Variants in AMN observed in about 807,000 individuals in gnomAD.
The protein encoded by AMN is protein amnionless.
Under a neutral mutation model 49.1 loss-of-function variants are expected in AMN, and 40 were observed. The observed-to-expected ratio is 0.81, with a 90% CI of 0.63 to 1.06. The LOEUF (loss-of-function observed/expected upper bound fraction) is 1.06. AMN is among the 50% of genes least tolerant of loss of function. The pLI is 0.00. For missense variants in AMN, 701 were observed against 662.8 expected (o/e 1.06, Z -0.63); for synonymous variants, 380 against 313.3 (o/e 1.21, Z -2.25).
chr14:102,929,814 A>G lies in AMN; in HGVS notation c.843+77A>G, dbSNP rs1229336985. The G allele has an allele frequency of 8.4e-6, 13 of 1,542,824 alleles. No individual in the cohort carries two copies. In the African/African-American group the frequency reaches 1.8e-4, roughly 21 times the overall value. The stretch of plus-strand genomic sequence containing the variant: ...CCTCCGCCTAGGACGCCCCTTCTGC[A>G]GGGTCCCTGCGGCTGCTCACTTGCC... On this transcript the variant is annotated intron_variant, in intron 8 of 11. Coordinates refer to ENST00000299155, the MANE Select transcript of AMN (RefSeq NM_030943.4).
At position 102,929,733 on chromosome 14, in the gene AMN, G is replaced by C. The variant is rs1891288380; in HGVS notation, c.839G>C (p.Gly280Ala). 1.9e-6 allele frequency: 3 copies of C among 1,550,248 alleles called. No individual in the cohort carries two copies. The highest frequency in any genetic ancestry group is 3.9e-5 in the Admixed American group (2 of 51,122). The change falls in exon 8 of 12, where the codon GGT becomes GCT. Residue 280 changes from glycine to alanine, a missense_variant. Gly to Ala is a moderately conservative substitution (Grantham distance 60). Transcript: ENST00000299155. ...GCGCGGATACTGGACACCTTCCTGG[G>C]TCTGGTAATGGGGCCGCGCGGGCAG... Reference protein sequence around the residue: ...YRARILDTFLGLPQYHGLQVA... With the variant: ...YRARILDTFLALPQYHGLQVA...
chr14:102,923,789 C>A lies in AMN; in HGVS notation c.122C>A (p.Thr41Asn), dbSNP rs119478058. Reference sequence around the variant, plus strand: ...GCAGCCAACTGGAGCCAGAACCGGACCCCGTGCGCCGGCGGCGCCGTTGAG... The same window carrying A: ...GCAGCCAACTGGAGCCAGAACCGGAACCCGTGCGCCGGCGGCGCCGTTGAG... ...DVAANWSQNR[T>N]PCAGGAVEFP... The change falls in exon 2 of 12, where the codon ACC (threonine) becomes AAC (asparagine). Residue 41 changes from threonine (T) to asparagine (N), a missense_variant. By Grantham distance (65) the Thr-to-Asn change is moderately conservative (BLOSUM62 0). Transcript: ENST00000299155. 6.2e-7 allele frequency: 1 copy of A among 1,612,640 alleles called. No homozygotes were observed. Among genetic ancestry groups the A allele is most frequent in the African/African-American group, 1.3e-5 (1 of 74,934 alleles).
At chr14:102,924,484 G>A (rs1000562850) in intron 3 of AMN, among the ~76,000 whole-genome samples, 6 of 152,150 alleles carry the variant, frequency 3.9e-5, no homozygotes, top group African/African-American at 9.7e-5. Flanking sequence ...TTGTCACTGC[G>A]CCAGCGAGGG....
Position 102,930,705 on chromosome 14 carries a change from G to A in AMN, c.*25G>A, listed in dbSNP as rs1030890358. 21 of 1,558,708 alleles carry A rather than the reference G, an allele frequency of 1.3e-5. No individual in the cohort carries two copies. The Middle Eastern group carries it at 9.6e-4, about 71-fold the overall frequency. On this transcript the variant is annotated 3_prime_UTR_variant, in exon 12 of 12. Coordinates refer to ENST00000299155, the MANE Select transcript of AMN (RefSeq NM_030943.4). Reference sequence around the variant, plus strand: ...AGCGGCCGCCTGACCGTCGACCTTGGGGCTCTCCACCCGCTCTGGCCCCAG... The same window carrying A: ...AGCGGCCGCCTGACCGTCGACCTTGAGGCTCTCCACCCGCTCTGGCCCCAG...
chr14:102,923,545 G>T (rs1484565930), intron 1 of AMN, 166 bp from the exon 2 acceptor site: 5 of 691,008 alleles, frequency 7.2e-6, no homozygotes, highest in Non-Finnish European at 1.3e-5. Context: ...GGCGCCCACA[G>T]TCTGGCCGGG....
chr14:102,929,080 C>T (rs1891264992), intron 5 of AMN, 41 bp from the exon 6 acceptor site: 1 of 1,597,502 alleles, frequency 6.3e-7, no homozygotes, highest in Non-Finnish European at 8.5e-7. Context: ...GGTGAAGTCT[C>T]TTCCTCGGGC....
rs1364698558 is a variant in AMN at position 102,928,834 on chromosome 14, A to G, written c.372A>G (p.Ala124=). ...ACCTGTGGCGCTCTGGGGACGAGGC[A>G]CCTGGCCTCTTCTTCGTGGACGCCG... The part of the protein sequence containing the change: ...DPHLWRSGDE[A]PGLFFVDAER... The change falls in exon 5 of 12, where the codon GCA becomes GCG. Residue 124 remains alanine (A), a synonymous_variant. Coordinates refer to ENST00000299155, the MANE Select transcript of AMN (RefSeq NM_030943.4). The G allele has an allele frequency of 6.2e-7, 1 of 1,606,338 alleles. No homozygotes were observed. The highest frequency in any genetic ancestry group is 1.3e-5 in the African/African-American group (1 of 74,886).
At chr14:102,926,426 G>A (rs954281485) in intron 3 of AMN, among the ~76,000 whole-genome samples, 3 of 151,708 alleles carry the variant, frequency 2.0e-5, no homozygotes, top group Admixed American at 6.6e-5. Context: ...CCGCTTTGCC[G>A]ACCCTACACT....
At chr14:102,929,775 C>G in intron 8 of AMN, 38 bp downstream of exon 8, 1 of 1,547,612 alleles carries the variant, frequency 6.5e-7, no homozygotes, top group Non-Finnish European at 8.7e-7. Flanking sequence ...GGAGTCCCGA[C>G]CCCAGCCCTA....
At chr14:102,925,553 G>A (rs1377618108) in intron 3 of AMN, among the ~76,000 whole-genome samples, 2 of 152,150 alleles carry the variant, frequency 1.3e-5, no homozygotes, top group Non-Finnish European at 2.9e-5. Context: ...AGTGAGGGGG[G>A]CACTGGGAGC....
chr14:102,929,981 C>A lies in AMN; in HGVS notation c.901C>A (p.Arg301Ser). The change falls in exon 9 of 12, where the codon CGT (arginine) becomes AGT (serine). Residue 301 changes from arginine to serine, a missense_variant. Arg to Ser is a moderately radical substitution (Grantham distance 110). Transcript: ENST00000299155. ...VSKVPRSSRL[R>S]EADTEIQVVL... ...CAAGGTGCCACGCTCGTCCCGGCTC[C>A]GTGAGGCCGATACGGAGATCCAGGT... 6.4e-7 allele frequency: 1 copy of A among 1,564,740 alleles called. No individual in the cohort carries two copies. Among genetic ancestry groups the A allele is most frequent in the East Asian group, 2.4e-5 (1 of 41,688 alleles).
chr14:102,930,681 G>A lies in AMN; in HGVS notation c.*1G>A. 6.3e-7 allele frequency: 1 copy of A among 1,578,746 alleles called. No individual in the cohort carries two copies. ...CGCCGGGGCCGAGGCCGAGGCCTGA[G>A]CGGCCGCCTGACCGTCGACCTTGGG... is the stretch of plus-strand genomic sequence containing the variant. On this transcript the variant is annotated 3_prime_UTR_variant, in exon 12 of 12. Coordinates refer to ENST00000299155, the MANE Select transcript of AMN (RefSeq NM_030943.4).
rs1308282018 is a variant in AMN at position 102,929,526 on chromosome 14, T to G, written c.750T>G (p.Cys250Trp). 13 of 1,537,406 alleles carry G rather than the reference T, an allele frequency of 8.5e-6. No individual in the cohort carries two copies. In the East Asian group the frequency reaches 1.7e-4, roughly 20 times the overall value. The change falls in exon 7 of 12, where the codon TGT becomes TGG. Residue 250 changes from cysteine (C) to tryptophan (W), a missense_variant. Physicochemically the swap from Cys to Trp is radical, Grantham distance 215. Transcript: ENST00000299155. Reference protein sequence around the residue: ...HSALRPQGQCCDLCGAVVLLT... With the variant: ...HSALRPQGQCWDLCGAVVLLT... ...CCCTCCGGCCCCAGGGGCAGTGCTG[T>G]GACCTCTGTGGTAAGCGCCCCCGCC...
At chr14:102,929,836 T>G in intron 8 of AMN, 88 bp from the exon 9 acceptor site, 1 of 1,543,514 alleles carries the variant, frequency 6.5e-7, no homozygotes, top group South Asian at 1.2e-5. Context: ...GCTGCTCACT[T>G]GCCCACTATC....
intron 5 of AMN, 62 bp from the exon 6 acceptor site, chr14:102,929,059 C>T: frequency 6.3e-7 from 1 of 1,597,112 alleles, no homozygotes; most frequent in East Asian, 2.2e-5. Context: ...CACGTTGGGT[C>T]TGAGCACTCA....
chr14:102,929,910 G>A lies in AMN; in HGVS notation c.844-14G>A. 1.3e-6 allele frequency: 2 copies of A among 1,552,824 alleles called. No individual in the cohort carries two copies. The highest frequency in any genetic ancestry group is 1.2e-5 in the South Asian group (1 of 84,184). ...CGGGGGGCTGAGTCAAACCAACCCC[G>A]TCCCCCTCCCCAGCCTCAGTACCAC... On this transcript the variant is annotated splice_polypyrimidine_tract_variant and intron_variant, in intron 8 of 11. Coordinates refer to ENST00000299155, the MANE Select transcript of AMN (RefSeq NM_030943.4).
chr14:102,928,164 C>T (rs1566827394), intron 3 of AMN, among the ~76,000 whole-genome samples: 1 of 152,276 alleles, frequency 6.6e-6, no homozygotes, highest in Admixed American at 6.5e-5. Context: ...GGCTCTGCCC[C>T]TGGCCTGTGA....
chr14:102,926,364 C>T (rs1891187464), intron 3 of AMN, among the ~76,000 whole-genome samples: 1 of 152,122 alleles, frequency 6.6e-6, no homozygotes, highest in South Asian at 2.1e-4. Flanking sequence ...TGGAATCCGT[C>T]GTGTGCCTGG....
chr14:102,929,350 G>T, intron 6 of AMN, 78 bp from the exon 7 acceptor site: 1 of 1,504,462 alleles, frequency 6.6e-7, no homozygotes, highest in South Asian at 1.2e-5. Flanking sequence ...TCTCTCGCCG[G>T]CTTGCTTCTC....
Sources: allele counts gnomAD v4.1 joint callset (sites outside exome capture counted in the v4.1 genomes callset), GRCh38; gene constraint gnomAD v4.1.1; transcripts MANE v1.5; gene names NCBI Gene and HGNC (gene_info 2026-07-23, HGNC 2026-07-21).